The following ARL14EPL variants were observed in gnomAD, a reference collection of about 807,000 sequenced individuals.
The protein encoded by ARL14EPL is ARF like GTPase 14 effector protein like.
ARL14EPL carries 17 observed loss-of-function variants against 15.9 expected under a neutral mutation model. The observed-to-expected ratio is 1.07, with a 90% CI of 0.73 to 1.60. The LOEUF is 1.60. Ranked by LOEUF, ARL14EPL falls within the 40% of genes most tolerant of loss-of-function variation. The pLI is 0.00. For missense variants in ARL14EPL, 214 were observed against 185.9 expected (o/e 1.15, Z -0.88); for synonymous variants, 78 against 63.8 (o/e 1.22, Z -1.06).
At chr5:116,037,707 C>G (rs1362440527) in intron 1 of ARL14EPL, among the ~76,000 whole-genome samples, 1 of 152,064 alleles carries the variant, frequency 6.6e-6, no homozygotes, top group Non-Finnish European at 1.5e-5. Context: ...ATATTAATAA[C>G]TTTAAAAATT....
At chr5:116,053,550 G>A (rs1749445697) in intron 2 of ARL14EPL, among the ~76,000 whole-genome samples, 1 of 152,104 alleles carries the variant, frequency 6.6e-6, no homozygotes, top group Non-Finnish European at 1.5e-5. Context: ...GAGTAGCTCC[G>A]AAATGCATCC....
chr5:116,056,185 A>G (rs1054516754), intron 3 of ARL14EPL, among the ~76,000 whole-genome samples: 1 of 151,984 alleles, frequency 6.6e-6, no homozygotes, highest in African/African-American at 2.4e-5. Flanking sequence ...GCTGGGTCAA[A>G]TGGTATTTCT....
rs952417807 is a variant in ARL14EPL at position 116,059,451 on chromosome 5, G to A, written c.*504G>A. On this transcript the variant is annotated 3_prime_UTR_variant, in exon 4 of 4. Transcript: ENST00000686077. ...ATACCCATAGCCTCATTTTTTTATT[G>A]TTCATGTTTTAATAACATTAAAATG... 6.6e-6 allele frequency: 1 copy of A among 152,302 alleles called. No individual in the cohort carries two copies. The highest frequency in any genetic ancestry group is 1.5e-5 in the Non-Finnish European group (1 of 68,276). 9.4% of individuals were successfully genotyped at this position (152,302 alleles called of 1,614,324 possible).
At chr5:116,039,572 C>T (rs895380979) in intron 1 of ARL14EPL, among the ~76,000 whole-genome samples, 3 of 151,582 alleles carry the variant, frequency 2.0e-5, no homozygotes, top group South Asian at 2.1e-4. Context: ...ATTTATATCC[C>T]GAAATGCTCA....
In ARL14EPL at chr5:116,059,013, G is replaced by C; in HGVS notation, c.*66G>C. ...CATTTAAGTTGACCTCTTTCTTTTG[G>C]GTGAATTTTAGGGCTTGGGGGAAAT... On this transcript the variant is annotated 3_prime_UTR_variant, in exon 4 of 4. Transcript: ENST00000686077. 1 of 1,462,656 alleles carries C rather than the reference G, an allele frequency of 6.8e-7. No individual in the cohort carries two copies. Among genetic ancestry groups the C allele is most frequent in the Non-Finnish European group, 9.2e-7 (1 of 1,083,626 alleles). 90.6% of individuals were successfully genotyped at this position (1,462,656 alleles called of 1,614,324 possible).
chr5:116,044,210 G>A (rs116819319), intron 1 of ARL14EPL, among the ~76,000 whole-genome samples: 1,840 of 152,052 alleles, frequency 0.012, 13 homozygotes, highest in Non-Finnish European at 0.017. Flanking sequence ...TGTTCTTTGC[G>A]GTAAAAGTAA....
At chr5:116,033,707 A>C (rs1748998825) in intron 1 of ARL14EPL, among the ~76,000 whole-genome samples, 1 of 152,208 alleles carries the variant, frequency 6.6e-6, no homozygotes, top group Admixed American at 6.5e-5. Flanking sequence ...GATTTTCAAA[A>C]TAATAAGTTG....
chr5:116,040,782 A>T (rs1219314957), intron 1 of ARL14EPL, among the ~76,000 whole-genome samples: 1 of 149,498 alleles, frequency 6.7e-6, no homozygotes, highest in East Asian at 2.0e-4. Flanking sequence ...CATCCTGGCT[A>T]ACACGGTGAA....
intron 1 of ARL14EPL, among the ~76,000 whole-genome samples, chr5:116,040,152 A>C (rs754848636): frequency 1.4e-4 from 21 of 152,132 alleles, no homozygotes; most frequent in Non-Finnish European, 2.6e-4. Flanking sequence ...GTCTTTCCTT[A>C]GAATAAATTT....
chr5:116,054,475 G>A (rs999633162), intron 3 of ARL14EPL, among the ~76,000 whole-genome samples: 3 of 152,184 alleles, frequency 2.0e-5, no homozygotes, highest in Non-Finnish European at 2.9e-5. Flanking sequence ...AATGAACTCA[G>A]GATATTAAAT....
intron 1 of ARL14EPL, among the ~76,000 whole-genome samples, chr5:116,040,909 G>A (rs976135189): frequency 1.4e-5 from 2 of 140,882 alleles, no homozygotes; most frequent in Non-Finnish European, 3.0e-5. Context: ...TGAACCCAGA[G>A]GTGGAGCTTG....
At chr5:116,050,638 T>G (rs1749352071) in intron 1 of ARL14EPL, among the ~76,000 whole-genome samples, 1 of 152,134 alleles carries the variant, frequency 6.6e-6, no homozygotes, top group South Asian at 2.1e-4. Flanking sequence ...AATGGCACCC[T>G]GTAGTCAGCA....
chr5:116,057,215 G>A (rs1157101619), intron 3 of ARL14EPL, among the ~76,000 whole-genome samples: 1 of 152,148 alleles, frequency 6.6e-6, no homozygotes, highest in South Asian at 2.1e-4. Context: ...GCCTTCGGAA[G>A]TGACTTTTAT....
At chr5:116,033,292 C>A (rs1239000015) in intron 1 of ARL14EPL, among the ~76,000 whole-genome samples, 2 of 152,092 alleles carry the variant, frequency 1.3e-5, no homozygotes, top group Admixed American at 1.3e-4. Flanking sequence ...ACCTACAGAG[C>A]TATTCTATTT....
At chr5:116,054,178 G>T in intron 3 of ARL14EPL, 25 bp downstream of exon 3, 2 of 1,516,892 alleles carry the variant, frequency 1.3e-6, no homozygotes, top group East Asian at 4.9e-5. Flanking sequence ...TATTGTATTT[G>T]ATCTGTGGGA....
intron 1 of ARL14EPL, among the ~76,000 whole-genome samples, chr5:116,040,761 C>CAGG (rs752328414): frequency 6.8e-5 from 10 of 147,488 alleles, no homozygotes; most frequent in Admixed American, 4.1e-4. Flanking sequence ...ATCACGAGGT[C>CAGG]ATATCGAGAC....
chr5:116,057,773 CAGA>C (rs1462020615), intron 3 of ARL14EPL, among the ~76,000 whole-genome samples: 1 of 152,158 alleles, frequency 6.6e-6, no homozygotes, highest in Non-Finnish European at 1.5e-5. Flanking sequence ...ACTTAGCGAA[CAGA>C]AGGAGAGGAG....
intron 2 of ARL14EPL, chr5:116,051,833 A>G: frequency 6.9e-6 from 7 of 1,013,772 alleles, no homozygotes; most frequent in Non-Finnish European, 1.0e-5. Flanking sequence ...GAATATATAC[A>G]AACGTTTTTA....
intron 1 of ARL14EPL, among the ~76,000 whole-genome samples, chr5:116,039,506 A>G (rs543980429): frequency 3.0e-4 from 45 of 152,326 alleles, no homozygotes; most frequent in African/African-American, 1.1e-3. Flanking sequence ...AAAGATAGAG[A>G]TATGATAAAA....
Sources: gnomAD v4.1 joint callset for allele counts (sites outside exome capture counted in the v4.1 genomes callset) on GRCh38, gnomAD v4.1.1 for gene constraint, MANE v1.5 for transcripts, NCBI Gene and HGNC (gene_info 2026-07-23, HGNC 2026-07-21) for gene names.